The following IMMP2L variants were observed in gnomAD, a reference collection of about 807,000 sequenced individuals.
The protein encoded by IMMP2L is mitochondrial inner membrane protease subunit 2.
In IMMP2L, 18 loss-of-function variants were observed where a neutral mutation model predicts 19.3. That is an observed-to-expected ratio of 0.93 (90% confidence interval 0.64 to 1.38). The LOEUF (loss-of-function observed/expected upper bound fraction) is 1.38, where lower values mean the gene tolerates loss of function less well. Ranked by LOEUF, IMMP2L falls within the 40% of genes most tolerant of loss-of-function variation. The probability of loss-of-function intolerance (pLI) is 0.00; values close to 1 mark genes in which losing one functional copy is unlikely to be tolerated. For synonymous variants in IMMP2L, 76 were observed against 73.0 expected (o/e 1.04, Z -0.21); for missense variants, 233 against 218.2 (o/e 1.07, Z -0.43).
chr7:111,357,016 T>C lies in IMMP2L; in HGVS notation c.239+130222A>G, dbSNP rs1463843198. ...AGCCTGGGCAACAAGAGTGAAACTC[T>C]GTCTCAAAAAAAAAGCACATATATG... On this transcript the variant is annotated intron_variant, in intron 3 of 5. Transcript: ENST00000405709. Among the ~76,000 whole-genome samples the C allele has an allele frequency of 3.3e-5, 5 of 152,026 alleles. No homozygotes were observed. The East Asian group carries it at 9.6e-4, about 29-fold the overall frequency.
At chr7:111,054,223 T>C (rs184198986) in intron 3 of IMMP2L, among the ~76,000 whole-genome samples, 1 of 152,222 alleles carries the variant, frequency 6.6e-6, no homozygotes, top group Non-Finnish European at 1.5e-5. Context: ...TTCAAAAAAA[T>C]CTATGCCACT....
chr7:110,966,322 C>T (rs923410883), intron 3 of IMMP2L, among the ~76,000 whole-genome samples: 2 of 152,072 alleles, frequency 1.3e-5, no homozygotes, highest in African/African-American at 2.4e-5. Context: ...TTTTGGTCCA[C>T]ATTATTGGGA....
At chr7:111,383,432 T>C (rs1488753240) in intron 3 of IMMP2L, among the ~76,000 whole-genome samples, 1 of 152,068 alleles carries the variant, frequency 6.6e-6, no homozygotes, top group Non-Finnish European at 1.5e-5. Flanking sequence ...CCCATCCTCA[T>C]CTCTACTCTG....
intron 5 of IMMP2L, among the ~76,000 whole-genome samples, chr7:110,821,243 C>T (rs879934069): frequency 1.3e-4 from 20 of 152,204 alleles, no homozygotes; most frequent in Admixed American, 7.2e-4. Context: ...AGATAGTCAA[C>T]GGCTGATATT....
chr7:111,198,931 T>C (rs1049771618), intron 3 of IMMP2L, among the ~76,000 whole-genome samples: 13 of 152,186 alleles, frequency 8.5e-5, no homozygotes, highest in African/African-American at 3.1e-4. Flanking sequence ...TATATGCATT[T>C]TCAGAGATAT....
chr7:110,703,860 T>G (rs994267189), intron 5 of IMMP2L, among the ~76,000 whole-genome samples: 1 of 152,138 alleles, frequency 6.6e-6, no homozygotes, highest in African/African-American at 2.4e-5. Context: ...TTTTTTTTTT[T>G]TTTGAGATGG....
intron 4 of IMMP2L, among the ~76,000 whole-genome samples, chr7:110,944,611 C>T (rs1377814206): frequency 4.0e-5 from 6 of 151,822 alleles, no homozygotes; most frequent in Admixed American, 6.6e-5. Flanking sequence ...TCTCTAAAGG[C>T]GAAGTTACTC....
intron 3 of IMMP2L, among the ~76,000 whole-genome samples, chr7:111,322,087 A>G (rs1289974663): frequency 6.6e-6 from 1 of 151,978 alleles, no homozygotes; most frequent in African/African-American, 2.4e-5. Flanking sequence ...AATTTCTGCA[A>G]GAGAAAACAA....
At chr7:110,884,537 A>G (rs964010017) in intron 5 of IMMP2L, among the ~76,000 whole-genome samples, 2 of 152,102 alleles carry the variant, frequency 1.3e-5, no homozygotes, top group African/African-American at 4.8e-5. Flanking sequence ...GACATTTTCC[A>G]TCATTGTGCA....
chr7:111,461,806 A>G (rs927809176), intron 3 of IMMP2L, among the ~76,000 whole-genome samples: 1 of 152,076 alleles, frequency 6.6e-6, no homozygotes, highest in Non-Finnish European at 1.5e-5. Flanking sequence ...CATTTAACAT[A>G]ATGTTTAGTA....
intron 3 of IMMP2L, among the ~76,000 whole-genome samples, chr7:111,040,902 CTT>C (rs199678466): frequency 0.011 from 1,672 of 151,734 alleles, 19 homozygotes; most frequent in Middle Eastern, 0.02. Flanking sequence ...AGTTACATCA[CTT>C]ATAAATTTAT....
At chr7:110,746,031 G>A (rs1031193648) in intron 5 of IMMP2L, among the ~76,000 whole-genome samples, 1 of 151,994 alleles carries the variant, frequency 6.6e-6, no homozygotes, top group African/African-American at 2.4e-5. Context: ...GACACACATA[G>A]GCTCAAAATA....
chr7:110,685,648 C>A (rs1793059146), intron 5 of IMMP2L, among the ~76,000 whole-genome samples: 1 of 152,010 alleles, frequency 6.6e-6, no homozygotes, highest in African/African-American at 2.4e-5. Flanking sequence ...AAAATTTTGT[C>A]CCAACCAATT....
At chr7:110,815,470 G>A (rs901373366) in intron 5 of IMMP2L, among the ~76,000 whole-genome samples, 11 of 152,116 alleles carry the variant, frequency 7.2e-5, no homozygotes, top group Non-Finnish European at 1.3e-4. Context: ...TCAGGATGAT[G>A]CTGGCCTCAT....
intron 4 of IMMP2L, among the ~76,000 whole-genome samples, chr7:110,944,868 G>A (rs1043184311): frequency 3.3e-5 from 5 of 151,822 alleles, no homozygotes; most frequent in African/African-American, 1.2e-4. Flanking sequence ...GTACTATAAT[G>A]TCCTTAACTG....
intron 3 of IMMP2L, among the ~76,000 whole-genome samples, chr7:111,387,876 T>A (rs1303827928): frequency 6.7e-6 from 1 of 148,988 alleles, no homozygotes; most frequent in Non-Finnish European, 1.5e-5. Context: ...CTCAGGAGGT[T>A]GAGGCAGGGG....
intron 3 of IMMP2L, among the ~76,000 whole-genome samples, chr7:111,168,697 A>C (rs1307193548): frequency 6.6e-6 from 1 of 151,908 alleles, no homozygotes; most frequent in African/African-American, 2.4e-5. Context: ...TTTTCAAGCA[A>C]AGCTGTATAA....
chr7:111,174,599 C>T lies in IMMP2L; in HGVS notation c.240-211034G>A, dbSNP rs187134029. Among the ~76,000 whole-genome samples the T allele has an allele frequency of 1.8e-4, 27 of 151,798 alleles. 1 individual carries two copies. In the Middle Eastern group the frequency reaches 0.01, roughly 58 times the overall value. ...TTCTTAAATTTCATGATTACATTCT[C>T]CCTGCTTCAAAAAATTCTATTACCG... is the stretch of plus-strand genomic sequence containing the variant. On this transcript the variant is annotated intron_variant, in intron 3 of 5. Transcript: ENST00000405709.
chr7:110,953,737 C>T (rs902720717), intron 4 of IMMP2L, among the ~76,000 whole-genome samples: 7 of 152,092 alleles, frequency 4.6e-5, no homozygotes, highest in African/African-American at 9.7e-5. Context: ...CTTCAGGAAT[C>T]GCCACACTGT....
Sources: allele counts gnomAD v4.1 joint callset (sites outside exome capture counted in the v4.1 genomes callset), GRCh38; gene constraint gnomAD v4.1.1; transcripts MANE v1.5; gene names NCBI Gene and HGNC (gene_info 2026-07-23, HGNC 2026-07-21).